Variants in ARNT2 observed in about 807,000 individuals in gnomAD.
The protein encoded by ARNT2 is ARNT protein 2.
Under a neutral mutation model 91.7 loss-of-function variants are expected in ARNT2, and 36 were observed. That is an observed-to-expected ratio of 0.39 (90% CI 0.30 to 0.52). The LOEUF (loss-of-function observed/expected upper bound fraction) is 0.52. ARNT2 is among the 20% of genes least tolerant of loss of function. ARNT2 has a pLI of 0.72. For missense variants in ARNT2, 775 were observed against 939.3 expected, an observed-to-expected ratio of 0.83 and a Z score of 2.29; for synonymous variants, 365 against 347.1, an observed-to-expected ratio of 1.05 and a Z score of -0.57.
In ARNT2 at chr15:80,450,988, G is replaced by T; in HGVS notation, c.140G>T (p.Arg47Leu). The part of the protein sequence containing the change: ...GAMPARGGKR[R>L]SGMDFDDEDG... ...ATGCCTGCCCGTGGAGGAAAGCGGC[G>T]TTCCGGGTAAGCGACCTCAGCGTTT... The change falls in exon 2 of 19, where the codon CGT becomes CTT. Residue 47 changes from arginine (R) to leucine (L), a missense_variant. This residue lies in a region of ARNT2 where 79 missense variants were observed against 83.8 expected (regional missense o/e 0.94). Transcript: ENST00000303329. 1 of 1,613,642 alleles carries T rather than the reference G, an allele frequency of 6.2e-7. No individual in the cohort carries two copies. The highest frequency in any genetic ancestry group is 8.5e-7 in the Non-Finnish European group (1 of 1,179,862).
In ARNT2 at chr15:80,551,233, A is replaced by G; in HGVS notation, c.912A>G (p.Gly304=). ...MTIPEEDADV[G]QGSKYCLVAI... Reference sequence around the variant, plus strand: ...TACCTGAAGAAGACGCTGATGTGGGACAAGGCAGTAAATATTGCCTCGTGG... The same window carrying G: ...TACCTGAAGAAGACGCTGATGTGGGGCAAGGCAGTAAATATTGCCTCGTGG... The change falls in exon 9 of 19, where the codon GGA becomes GGG. Residue 304 remains glycine, a synonymous_variant. Transcript: ENST00000303329. The G allele has an allele frequency of 1.2e-6, 2 of 1,614,074 alleles. No individual in the cohort carries two copies. The highest frequency in any genetic ancestry group is 1.1e-5 in the South Asian group (1 of 91,080).
chr15:80,435,007 G>T (rs1055502907), intron 1 of ARNT2, among the ~76,000 whole-genome samples: 2 of 152,152 alleles, frequency 1.3e-5, no homozygotes, highest in African/African-American at 4.8e-5. Flanking sequence ...CCTTACCTGC[G>T]GGTAAACCAC....
intron 8 of ARNT2, among the ~76,000 whole-genome samples, chr15:80,521,162 G>A (rs1897539509): frequency 6.6e-6 from 1 of 152,062 alleles, no homozygotes; most frequent in South Asian, 2.1e-4. Flanking sequence ...AGATGATTCT[G>A]ATGTTACTTC....
chr15:80,580,616 T>C, intron 16 of ARNT2, 67 bp downstream of exon 16: 3 of 1,602,870 alleles, frequency 1.9e-6, no homozygotes, highest in Non-Finnish European at 2.6e-6. Context: ...GGAAGTGTTT[T>C]CTTTGGATTG....
intron 5 of ARNT2, among the ~76,000 whole-genome samples, chr15:80,495,944 T>C (rs1332779591): frequency 3.3e-5 from 5 of 152,238 alleles, no homozygotes; most frequent in African/African-American, 1.2e-4. Flanking sequence ...CATGAAGCAC[T>C]CTCTCTGTCT....
chr15:80,552,832 C>T, intron 10 of ARNT2, 58 bp downstream of exon 10: 1 of 1,577,468 alleles, frequency 6.3e-7, no homozygotes, highest in Non-Finnish European at 8.7e-7. Context: ...GTTTTTAAAA[C>T]ATTCTTACTT....
Position 80,457,985 on chromosome 15 carries a change from AT to A in ARNT2, c.194+13del, listed in dbSNP as rs1294230561. The A allele has an allele frequency of 2.5e-6, 4 of 1,612,642 alleles. No homozygotes were observed. Among genetic ancestry groups the A allele is most frequent in the Non-Finnish European group, 2.5e-6 (3 of 1,178,816 alleles). On this transcript the variant is annotated intron_variant, in intron 3 of 18. Transcript: ENST00000303329. ...CCCAGTAAATTTTCAAGGTAAGTTT[AT>A]TTTATTTTCCTTAGACTTAAAGAAG...
chr15:80,427,794 C>A (rs147600880), intron 1 of ARNT2, among the ~76,000 whole-genome samples: 3 of 152,202 alleles, frequency 2.0e-5, no homozygotes, highest in Non-Finnish European at 4.4e-5. Context: ...GCAATATTTT[C>A]TGCATTTAGA....
At chr15:80,567,780 C>T (rs1274500592) in intron 12 of ARNT2, among the ~76,000 whole-genome samples, 1 of 152,214 alleles carries the variant, frequency 6.6e-6, no homozygotes, top group Non-Finnish European at 1.5e-5. Flanking sequence ...CCAGAAGCCT[C>T]AATCTGTGTC....
At chr15:80,479,882 C>G (rs1896860107) in intron 5 of ARNT2, among the ~76,000 whole-genome samples, 1 of 152,082 alleles carries the variant, frequency 6.6e-6, no homozygotes, top group South Asian at 2.1e-4. Flanking sequence ...ACCCAAGGCA[C>G]TTGGATTCAG....
intron 5 of ARNT2, among the ~76,000 whole-genome samples, chr15:80,497,936 C>T (rs1318173804): frequency 6.6e-6 from 1 of 152,174 alleles, no homozygotes; most frequent in Non-Finnish European, 1.5e-5. Flanking sequence ...ATTCCACTTT[C>T]GTGTTAGTCT....
At chr15:80,578,099 G>C (rs1477879731) in intron 15 of ARNT2, among the ~76,000 whole-genome samples, 1 of 152,216 alleles carries the variant, frequency 6.6e-6, no homozygotes, top group Non-Finnish European at 1.5e-5. Context: ...CCCTGTGCCA[G>C]CCCTGCCTGG....
intron 8 of ARNT2, among the ~76,000 whole-genome samples, chr15:80,516,447 C>T (rs997146173): frequency 2.6e-5 from 4 of 152,082 alleles, no homozygotes; most frequent in Non-Finnish European, 5.9e-5. Context: ...ATTTTCCTTG[C>T]TCTGAATTCT....
intron 2 of ARNT2, among the ~76,000 whole-genome samples, chr15:80,455,560 G>A (rs1030417859): frequency 1.3e-5 from 2 of 151,978 alleles, no homozygotes; most frequent in African/African-American, 4.8e-5. Context: ...CAAAGGGCTG[G>A]GTAAAGAACA....
chr15:80,569,300 C>T (rs1469500419), intron 12 of ARNT2, among the ~76,000 whole-genome samples: 2 of 152,222 alleles, frequency 1.3e-5, no homozygotes, highest in Non-Finnish European at 2.9e-5. Context: ...TTCTACTCCT[C>T]AGCCGTTGTA....
At chr15:80,442,888 C>T in intron 1 of ARNT2, 5 of 985,394 alleles carry the variant, frequency 5.1e-6, no homozygotes, top group Non-Finnish European at 6.0e-6. Flanking sequence ...TTTTTGGGAT[C>T]TGACGCCGAC....
chr15:80,406,187 A>G (rs1380737316), intron 1 of ARNT2, among the ~76,000 whole-genome samples: 5 of 152,166 alleles, frequency 3.3e-5, no homozygotes. Context: ...CCAAGGAGAG[A>G]CAAAGGGGAG....
intron 5 of ARNT2, among the ~76,000 whole-genome samples, chr15:80,479,405 G>C (rs191798129): frequency 2.6e-4 from 39 of 152,266 alleles, no homozygotes; most frequent in African/African-American, 9.1e-4. Context: ...ACTTGTCTGC[G>C]AATAAAACTG....
At chr15:80,473,798 T>A (rs1324241133) in intron 4 of ARNT2, among the ~76,000 whole-genome samples, 1 of 152,202 alleles carries the variant, frequency 6.6e-6, no homozygotes, top group African/African-American at 2.4e-5. Flanking sequence ...TGGGTCCTTG[T>A]ACCCTGCTCA....
Sources: gnomAD v4.1 joint callset for allele counts (sites outside exome capture counted in the v4.1 genomes callset) on GRCh38, gnomAD v4.1.1 for gene constraint, gnomAD v4.1.1 regional missense constraint, MANE v1.5 for transcripts, NCBI Gene and HGNC (gene_info 2026-07-23, HGNC 2026-07-21) for gene names.